Variants in E2F2 observed in about 807,000 individuals in gnomAD.
E2F2 encodes transcription factor E2F2.
Under a neutral mutation model 42.2 loss-of-function variants are expected in E2F2, and 22 were observed. The observed-to-expected ratio is 0.52, with a 90% CI of 0.37 to 0.74. The LOEUF (loss-of-function observed/expected upper bound fraction) is 0.74, where lower values mean the gene tolerates loss of function less well. Among genes scored for constraint, E2F2 ranks in the 30% least tolerant of loss-of-function variants. The pLI, the probability that E2F2 is intolerant of heterozygous loss-of-function variation, is 0.00. For missense variants in E2F2, 481 were observed against 557.8 expected, an observed-to-expected ratio of 0.86 and a Z score of 1.39; for synonymous variants, 248 against 251.6, an observed-to-expected ratio of 0.99 and a Z score of 0.13.
intron 4 of E2F2, among the ~76,000 whole-genome samples, chr1:23,519,784 G>C (rs1643100349): frequency 6.6e-6 from 1 of 151,986 alleles, no homozygotes; most frequent in Non-Finnish European, 1.5e-5. Context: ...ACAAAAATCA[G>C]CTGGGTGTGA....
intron 5 of E2F2, among the ~76,000 whole-genome samples, chr1:23,517,764 C>G (rs187748272): frequency 2.6e-5 from 4 of 152,158 alleles, no homozygotes; most frequent in African/African-American, 9.7e-5. Flanking sequence ...TGGAGGTAAT[C>G]AGAGAAGGCT....
At position 23,530,237 on chromosome 1, in the gene E2F2, T is replaced by C. The variant is rs1189486901; in HGVS notation, c.252+305A>G. 2.6e-5 allele frequency among the ~76,000 whole-genome samples: 4 copies of C among 152,244 alleles called. No homozygotes were observed. Among genetic ancestry groups the C allele is most frequent in the Non-Finnish European group, 4.4e-5 (3 of 68,040 alleles). On this transcript the variant is annotated intron_variant, in intron 1 of 6. Transcript: ENST00000361729. The surrounding 1 kb of genome is among the most constrained non-coding windows in gnomAD (Gnocchi z 4.4). ...AGTAATGAATGAATGGCGGCAACGCTGGCTGCATGGACTTCCCCAAGGTCA... is the reference window on the plus strand; with the variant it reads ...AGTAATGAATGAATGGCGGCAACGCCGGCTGCATGGACTTCCCCAAGGTCA...
At chr1:23,516,952 A>G (rs1643036911) in intron 5 of E2F2, among the ~76,000 whole-genome samples, 1 of 152,144 alleles carries the variant, frequency 6.6e-6, no homozygotes, top group African/African-American at 2.4e-5. Flanking sequence ...CTTGTGGGAA[A>G]TGGAAGCCCC....
rs748880906 is a variant in E2F2, at chr1:23,521,893, G to A, written c.522C>T (p.Asn174=). 5.0e-6 allele frequency: 8 copies of A among 1,614,050 alleles called. No homozygotes were observed. The Admixed American group carries it at 6.7e-5, about 13-fold the overall frequency. ...VQKRRIYDIT[N]VLEGIQLIRK... ...GGATGAGCTGGATGCCTTCCAGCACGTTGGTGATGTCATAGATGCGCCGCT... is the reference window on the plus strand; with the variant it reads ...GGATGAGCTGGATGCCTTCCAGCACATTGGTGATGTCATAGATGCGCCGCT... Residue 174 remains asparagine (N), a synonymous_variant, in exon 3 of 7, where the codon AAC becomes AAT. Coordinates refer to ENST00000361729, the MANE Select transcript of E2F2 (RefSeq NM_004091.4).
In E2F2 at chr1:23,516,499, GT is replaced by G; in HGVS notation, c.880del (p.Thr294ProfsTer107). The part of the protein sequence containing the change: ...EDNLQIYLKS[T>X]QGPIEVYLCP... ...CAGGTAGACTTCGATGGGCCCTTGG[GT>G]GCTCTTGAGATATATCTGCAGGTTG... is the stretch of plus-strand genomic sequence containing the variant. On this transcript the variant is annotated frameshift_variant, in exon 6 of 7. Transcript: ENST00000361729. LOFTEE classifies it high-confidence loss of function. The G allele has an allele frequency of 6.2e-7, 1 of 1,608,666 alleles. No individual in the cohort carries two copies. Among genetic ancestry groups the G allele is most frequent in the Admixed American group, 1.7e-5 (1 of 59,262 alleles).
chr1:23,506,405 C>T (rs1642795867), downstream of E2F2: 2 of 152,424 alleles, frequency 1.3e-5, no homozygotes, highest in African/African-American at 4.8e-5. Flanking sequence ...TAATGAGCTT[C>T]AGAAAGCACG....
chr1:23,514,376 G>A (rs1316149288), intron 6 of E2F2, among the ~76,000 whole-genome samples: 1 of 152,152 alleles, frequency 6.6e-6, no homozygotes, highest in South Asian at 2.1e-4. Flanking sequence ...TCTGGTCCCT[G>A]ATGAGGCCTG....
At chr1:23,510,220 G>A (rs915353981) in intron 6 of E2F2, 72 bp from the exon 7 acceptor site, 7 of 1,450,608 alleles carry the variant, frequency 4.8e-6, no homozygotes, top group Admixed American at 2.6e-5. Context: ...ACAGACTTCC[G>A]GTTCTCTGGA....
Position 23,516,430 on chromosome 1 carries a change from G to C in E2F2, c.950C>G (p.Pro317Arg). 6.2e-7 allele frequency: 1 copy of C among 1,603,954 alleles called. No homozygotes were observed. The highest frequency in any genetic ancestry group is 1.3e-5 in the African/African-American group (1 of 74,328). The change falls in exon 6 of 7, where the codon CCT (proline) becomes CGT (arginine). Residue 317 changes from proline (P) to arginine (R), a missense_variant. By Grantham distance (103) the Pro-to-Arg change is moderately radical. Transcript: ENST00000361729. ...VQEPDSPSEEPLPSTSTLCPS... is the reference protein window; with the variant it reads ...VQEPDSPSEERLPSTSTLCPS... ...GCAGAGGGTGGAGGTAGAGGGGAGA[G>C]GCTCCTCGGAAGGACTGTCCGGCTC...
At chr1:23,529,639 C>T (rs1570476072) in intron 1 of E2F2, among the ~76,000 whole-genome samples, 1 of 152,316 alleles carries the variant, frequency 6.6e-6, no homozygotes, top group East Asian at 1.9e-4. Flanking sequence ...ACCCTGTGCA[C>T]ACACGCATTG....
intron 6 of E2F2, among the ~76,000 whole-genome samples, chr1:23,515,678 G>A (rs1267909513): frequency 1.3e-5 from 2 of 151,022 alleles, no homozygotes; most frequent in Non-Finnish European, 2.9e-5. Context: ...GGACCACAGC[G>A]CCTGGCCTAT....
intron 2 of E2F2, 61 bp downstream of exon 2, chr1:23,524,322 C>T (rs1643210909): frequency 2.3e-6 from 3 of 1,291,352 alleles, no homozygotes; most frequent in Non-Finnish European, 3.2e-6. Flanking sequence ...AGTGATTGGG[C>T]AGGGCACTGC....
chr1:23,513,601 T>C (rs939916311), intron 6 of E2F2, among the ~76,000 whole-genome samples: 4 of 150,390 alleles, frequency 2.7e-5, no homozygotes, highest in Non-Finnish European at 5.9e-5. Context: ...TGTGTGTGTG[T>C]GTGTGTGTGT....
intron 5 of E2F2, among the ~76,000 whole-genome samples, chr1:23,517,514 G>T (rs1450805331): frequency 6.6e-6 from 1 of 152,148 alleles, no homozygotes; most frequent in African/African-American, 2.4e-5. Flanking sequence ...CTCCTCCAAG[G>T]GTGGGGGCAG....
At position 23,509,818 on chromosome 1, in the gene E2F2, C is replaced by T; in HGVS notation, c.*62G>A. 8.1e-6 allele frequency: 12 copies of T among 1,489,836 alleles called. No homozygotes were observed. The highest frequency in any genetic ancestry group is 1.4e-5 in the South Asian group (1 of 71,812). The allele number at this position is 1,489,836 out of a possible 1,614,324, so 92.3% of individuals were successfully genotyped here. On this transcript the variant is annotated 3_prime_UTR_variant, in exon 7 of 7. Transcript: ENST00000361729. The stretch of plus-strand genomic sequence containing the variant: ...CAATGTCCCTGTGCAGGCAGAGGGG[C>T]TGTCAGCCTGTCTGTGAGGAGGTAG...
chr1:23,510,294 C>G, intron 6 of E2F2, 146 bp from the exon 7 acceptor site: 1 of 1,369,060 alleles, frequency 7.3e-7, no homozygotes, highest in Non-Finnish European at 9.5e-7. Context: ...AATCCACCTT[C>G]CAGAGTCTAC....
At chr1:23,514,833 C>CAA (rs74604082) in intron 6 of E2F2, among the ~76,000 whole-genome samples, 1,094 of 46,326 alleles carry the variant, frequency 0.024, 40 homozygotes, top group African/African-American at 0.071. Flanking sequence ...GAGACTGTCT[C>CAA]AAAAAAAAAA....
intron 4 of E2F2, 165 bp from the exon 5 acceptor site, chr1:23,519,295 A>G (rs976331956): frequency 2.2e-5 from 10 of 452,236 alleles, no homozygotes; most frequent in African/African-American, 2.0e-4. Context: ...CTCATAAGCT[A>G]CCTTAGATCC....
In E2F2 at chr1:23,510,150, T is replaced by C; in HGVS notation, c.1046-2A>G. The stretch of plus-strand genomic sequence containing the variant: ...GGGGGGTTGGCGCTGGTGCTGGCAC[T>C]GGAGACAAACAGACAAAGGTTACGC... On this transcript the variant is annotated splice_acceptor_variant, in intron 6 of 6. Transcript: ENST00000361729. LOFTEE classifies it high-confidence loss of function. 1 of 1,591,228 alleles carries C rather than the reference T, an allele frequency of 6.3e-7. No individual in the cohort carries two copies. The highest frequency in any genetic ancestry group is 8.6e-7 in the Non-Finnish European group (1 of 1,169,184).
Sources: gnomAD v4.1 joint callset for allele counts (sites outside exome capture counted in the v4.1 genomes callset) on GRCh38, gnomAD v4.1.1 for gene constraint, Gnocchi (gnomAD v3.1) non-coding constraint, MANE v1.5 for transcripts, NCBI Gene and HGNC (gene_info 2026-07-23, HGNC 2026-07-21) for gene names.